SERINC1: variants seen among roughly 807,000 people sequenced by gnomAD.
SERINC1 encodes the protein tumor differentially expressed protein 2.
SERINC1 carries 38 observed loss-of-function variants against 52.9 expected under a neutral mutation model. That is an observed-to-expected ratio of 0.72 (90% CI 0.55 to 0.94). The LOEUF (loss-of-function observed/expected upper bound fraction) is 0.94. Among genes scored for constraint, SERINC1 ranks in the 40% least tolerant of loss-of-function variants. SERINC1 has a pLI of 0.00. For missense variants in SERINC1, 471 were observed against 533.9 expected (o/e 0.88, Z 1.16); for synonymous variants, 198 against 183.1 (o/e 1.08, Z -0.66).
In SERINC1 at chr6:122,458,626, CCA is replaced by C; in HGVS notation, c.93_94del (p.Ser31ArgfsTer8). ...CAATCTAGTTACAGTGGAGTTGTTTCCACTAGGACAGCATCGGCATAGCAAAC... is the reference window on the plus strand; with the variant it reads ...CAATCTAGTTACAGTGGAGTTGTTTCCTAGGACAGCATCGGCATAGCAAAC... On this transcript the variant is annotated frameshift_variant, in exon 2 of 10. Transcript: ENST00000339697. LOFTEE classifies it high-confidence loss of function. The C allele has an allele frequency of 6.2e-7, 1 of 1,612,000 alleles. No individual in the cohort carries two copies. Among genetic ancestry groups the C allele is most frequent in the Non-Finnish European group, 8.5e-7 (1 of 1,178,566 alleles).
intron 1 of SERINC1, among the ~76,000 whole-genome samples, chr6:122,470,842 A>G (rs1436723015): frequency 1.3e-5 from 2 of 152,170 alleles, no homozygotes; most frequent in East Asian, 3.9e-4. Flanking sequence ...TATTAACTGC[A>G]CTGCCAATGT....
intron 1 of SERINC1, 116 bp downstream of exon 1, chr6:122,471,583 G>C (rs1775302229): frequency 8.2e-7 from 1 of 1,218,304 alleles, no homozygotes; most frequent in African/African-American, 1.5e-5. Flanking sequence ...GACAGAGAGG[G>C]CACTCCCTGT....
chr6:122,465,645 C>G (rs987737406), intron 1 of SERINC1, among the ~76,000 whole-genome samples: 2 of 152,152 alleles, frequency 1.3e-5, no homozygotes, highest in African/African-American at 2.4e-5. Flanking sequence ...GTAGTCACAG[C>G]TGACAAGTCC....
intron 5 of SERINC1, among the ~76,000 whole-genome samples, chr6:122,453,422 G>A (rs771076785): frequency 6.6e-6 from 1 of 151,988 alleles, no homozygotes; most frequent in Non-Finnish European, 1.5e-5. Context: ...TCTATTCCTA[G>A]CAATCCTCTT....
rs183131753 is a variant in SERINC1, at chr6:122,468,738, C to T, written c.39+2961G>A. Among the ~76,000 whole-genome samples, 552 of 152,218 alleles carry T rather than the reference C, an allele frequency of 3.6e-3. 4 individuals are homozygous for T. Among genetic ancestry groups the T allele is most frequent in the African/African-American group, 0.012 (509 of 41,536 alleles). On this transcript the variant is annotated intron_variant, in intron 1 of 9. Transcript: ENST00000339697. ...TTAATTTCTACTCTGCATTGCTTGA[C>T]CATTCATAGCAACTATAAATCATTT...
intron 4 of SERINC1, 96 bp from the exon 5 acceptor site, chr6:122,454,003 T>A: frequency 3.6e-6 from 5 of 1,376,724 alleles, no homozygotes; most frequent in Non-Finnish European, 4.9e-6. Flanking sequence ...AATAAAATTT[T>A]ATATGAACAT....
At chr6:122,452,394 A>T (rs1774927016) in intron 5 of SERINC1, among the ~76,000 whole-genome samples, 1 of 152,224 alleles carries the variant, frequency 6.6e-6, no homozygotes, top group Admixed American at 6.5e-5. Flanking sequence ...AATAACTATA[A>T]GAGGAATATT....
chr6:122,446,955 C>T lies in SERINC1; in HGVS notation c.1045G>A (p.Asp349Asn). The T allele has an allele frequency of 2.5e-6, 4 of 1,613,578 alleles. No individual in the cohort carries two copies. The South Asian group carries it at 4.4e-5, about 18-fold the overall frequency. The change falls in exon 9 of 10, where the codon GAT becomes AAT. Residue 349 changes from aspartate (D) to asparagine (N), a missense_variant. By Grantham distance (23) the Asp-to-Asn change is conservative (BLOSUM62 1). Transcript: ENST00000339697. ...SQVNKLTLTS[D>N]ESTLIEDGGA... ...CCATCTTCTATTAATGTAGATTCAT[C>T]ACTTGTTAGAGTCAGTTTATTAACC...
chr6:122,446,535 T>C (rs1774806602), intron 9 of SERINC1, among the ~76,000 whole-genome samples: 1 of 152,216 alleles, frequency 6.6e-6, no homozygotes, highest in Non-Finnish European at 1.5e-5. Flanking sequence ...AAGTATTAGT[T>C]TCATGAAAAT....
At chr6:122,458,795 G>T in intron 1 of SERINC1, 114 bp from the exon 2 acceptor site, 1 of 729,176 alleles carries the variant, frequency 1.4e-6, no homozygotes, top group South Asian at 2.2e-5. Flanking sequence ...AAGACTAAAA[G>T]TAATTACATC....
chr6:122,462,585 G>A (rs983743651), intron 1 of SERINC1, among the ~76,000 whole-genome samples: 2 of 151,936 alleles, frequency 1.3e-5, no homozygotes, highest in African/African-American at 2.4e-5. Context: ...CACTGCACTC[G>A]AGTCTGGATG....
rs756153631 is a variant in SERINC1, at chr6:122,456,575, A to G, written c.277T>C (p.Leu93=). ...ILVGYKAVYR[L]CFGLAMFYLL... is the part of the protein sequence containing the mutation. The stretch of plus-strand genomic sequence containing the variant: ...TAGAACATAGCCAAACCAAAGCACA[A>G]ACGATATACAGCTTTATAGCCAACC... Residue 93 remains leucine, a synonymous_variant, in exon 3 of 10, where the codon TTG becomes CTG. Coordinates refer to ENST00000339697, the MANE Select transcript of SERINC1 (RefSeq NM_020755.4). The G allele has an allele frequency of 6.2e-7, 1 of 1,612,926 alleles. No homozygotes were observed. Among genetic ancestry groups the G allele is most frequent in the Non-Finnish European group, 8.5e-7 (1 of 1,179,204 alleles).
At chr6:122,464,311 G>C (rs1345972730) in intron 1 of SERINC1, among the ~76,000 whole-genome samples, 1 of 152,014 alleles carries the variant, frequency 6.6e-6, no homozygotes, top group Non-Finnish European at 1.5e-5. Context: ...CTAAATAAAT[G>C]AATTAAAGGA....
chr6:122,456,727 T>C (rs981077480), intron 2 of SERINC1, 77 bp from the exon 3 acceptor site: 17 of 1,119,034 alleles, frequency 1.5e-5, no homozygotes, highest in Non-Finnish European at 2.1e-5. Context: ...AATCAAATAG[T>C]TTAAGTAAAG....
At chr6:122,454,083 C>T in intron 4 of SERINC1, 68 bp downstream of exon 4, 1 of 1,202,520 alleles carries the variant, frequency 8.3e-7, no homozygotes, top group Non-Finnish European at 1.2e-6. Context: ...ATTATAGTTC[C>T]AGGTGACAAT....
In SERINC1 at chr6:122,451,964, T is replaced by C; in HGVS notation, c.683A>G (p.Glu228Gly). Residue 228 changes from glutamate to glycine, a missense_variant, in exon 6 of 10, where the codon GAA (glutamate) becomes GGA (glycine). By Grantham distance (98) the Glu-to-Gly change is moderately conservative. Coordinates refer to ENST00000339697, the MANE Select transcript of SERINC1 (RefSeq NM_020755.4). ...GTTGACACTGATGAACGCCTTGTTT[T>C]CTGAACAACTGGCTGGATGAGTGTA... The part of the protein sequence containing the change: ...VYYTHPASCS[E>G]NKAFISVNML... The C allele has an allele frequency of 6.3e-7, 1 of 1,599,100 alleles. No individual in the cohort carries two copies. The highest frequency in any genetic ancestry group is 8.5e-7 in the Non-Finnish European group (1 of 1,173,314).
intron 1 of SERINC1, among the ~76,000 whole-genome samples, chr6:122,470,464 T>C (rs1458272759): frequency 1.3e-5 from 2 of 152,174 alleles, no homozygotes; most frequent in Non-Finnish European, 2.9e-5. Context: ...AAAAAACCGA[T>C]GAAAACAATC....
chr6:122,445,898 A>AAAAAAAAAAAAAAAAC, intron 9 of SERINC1, among the ~76,000 whole-genome samples: 1 of 149,560 alleles, frequency 6.7e-6, no homozygotes, highest in African/African-American at 2.4e-5. Context: ...AAAAAAAAAA[A>AAAAAAAAAAAAAAAAC]AAGAACCAGC....
At chr6:122,447,359 A>G (rs1174444531) in intron 7 of SERINC1, 94 bp from the exon 8 acceptor site, 1 of 881,132 alleles carries the variant, frequency 1.1e-6, no homozygotes, top group South Asian at 2.0e-5. Flanking sequence ...ATACCCCTGC[A>G]AATTGAGAAA....
Sources: allele counts gnomAD v4.1 joint callset (sites outside exome capture counted in the v4.1 genomes callset), GRCh38; gene constraint gnomAD v4.1.1; transcripts MANE v1.5; gene names NCBI Gene and HGNC (gene_info 2026-07-23, HGNC 2026-07-21).